Variants in GYPC observed in about 807,000 individuals in gnomAD.
GYPC encodes glycophorin C (Gerbich blood group), also known as glycophorin-C.
In GYPC, 14 loss-of-function variants were observed where a neutral mutation model predicts 12.6. The observed-to-expected ratio is 1.11, with a 90% CI of 0.74 to 1.74. The LOEUF (loss-of-function observed/expected upper bound fraction) is 1.74, where lower values mean the gene tolerates loss of function less well. GYPC is among the 40% of genes most tolerant of loss of function. The pLI, the probability that GYPC is intolerant of heterozygous loss-of-function variation, is 0.00. For synonymous variants in GYPC, 78 were observed against 62.1 expected (o/e 1.26, Z -1.20); for missense variants, 225 against 172.1 (o/e 1.31, Z -1.72).
At chr2:126,670,765 A>G (rs1168967229) in intron 1 of GYPC, among the ~76,000 whole-genome samples, 1 of 152,138 alleles carries the variant, frequency 6.6e-6, no homozygotes, top group Non-Finnish European at 1.5e-5. Flanking sequence ...GGAGACTTCA[A>G]CAGGAGGGCT....
intron 1 of GYPC, among the ~76,000 whole-genome samples, chr2:126,666,759 AT>A (rs1682693541): frequency 1.4e-5 from 2 of 138,240 alleles, no homozygotes; most frequent in African/African-American, 2.8e-5. Flanking sequence ...ACACACACAT[AT>A]GCACGCACAC....
chr2:126,669,275 C>A (rs886435586), intron 1 of GYPC, among the ~76,000 whole-genome samples: 1 of 152,166 alleles, frequency 6.6e-6, no homozygotes, highest in Non-Finnish European at 1.5e-5. Context: ...TGTTGCCTGG[C>A]GACATTTGTC....
intron 1 of GYPC, chr2:126,686,795 C>A: frequency 1.3e-6 from 1 of 769,536 alleles, no homozygotes; most frequent in Non-Finnish European, 1.6e-6. Flanking sequence ...TGATACCAGA[C>A]CCAAGCTTGG....
chr2:126,695,513 A>G (rs898799600), intron 3 of GYPC, among the ~76,000 whole-genome samples: 2 of 152,208 alleles, frequency 1.3e-5, no homozygotes, highest in Admixed American at 1.3e-4. Flanking sequence ...TACACGGTTC[A>G]ACTTATGAGT....
intron 1 of GYPC, among the ~76,000 whole-genome samples, chr2:126,684,531 C>T (rs1683233522): frequency 6.6e-6 from 1 of 152,174 alleles, no homozygotes; most frequent in Non-Finnish European, 1.5e-5. Flanking sequence ...GAAGGACAGA[C>T]TTGGGGCCAC....
chr2:126,696,457 G>A lies in GYPC; in HGVS notation c.*315G>A, dbSNP rs891030726. ...GCAGGACAACATCAGCTCACTGGCA[G>A]GAAAGTCCTTGTTGAGGGTGAGGGG... is the stretch of plus-strand genomic sequence containing the variant. On this transcript the variant is annotated 3_prime_UTR_variant, in exon 4 of 4. Coordinates refer to ENST00000259254, the MANE Select transcript of GYPC (RefSeq NM_002101.5). 2.5e-6 allele frequency: 1 copy of A among 396,742 alleles called. No homozygotes were observed. Among genetic ancestry groups the A allele is most frequent in the Admixed American group, 3.7e-5 (1 of 27,286 alleles). 24.6% of individuals were successfully genotyped at this position (396,742 alleles called of 1,614,324 possible).
At chr2:126,673,648 C>G (rs1373393528) in intron 1 of GYPC, among the ~76,000 whole-genome samples, 1 of 152,214 alleles carries the variant, frequency 6.6e-6, no homozygotes, top group Non-Finnish European at 1.5e-5. Context: ...CCTCTGTCCC[C>G]CACAGATTCC....
chr2:126,667,138 C>T (rs984312781), intron 1 of GYPC, among the ~76,000 whole-genome samples: 1 of 152,188 alleles, frequency 6.6e-6, no homozygotes, highest in Non-Finnish European at 1.5e-5. Context: ...CATCAGACCC[C>T]ACCTAGCAGA....
intron 1 of GYPC, among the ~76,000 whole-genome samples, chr2:126,677,480 C>T (rs1683030450): frequency 1.8e-5 from 2 of 110,536 alleles, no homozygotes; most frequent in South Asian, 6.2e-4. Context: ...TGTGTGAGCA[C>T]GTGTGAGTCT....
intron 1 of GYPC, among the ~76,000 whole-genome samples, chr2:126,667,392 ATCTTTTTTTTT>A (rs1265639979): frequency 1.3e-5 from 2 of 150,788 alleles, no homozygotes; most frequent in Admixed American, 1.3e-4. Context: ...TGATCTGGAT[ATCTTTTTTTTT>A]TCTTTTTTTT....
intron 1 of GYPC, among the ~76,000 whole-genome samples, chr2:126,667,791 T>TA (rs752090273): frequency 2.6e-4 from 40 of 152,178 alleles, no homozygotes; most frequent in Non-Finnish European, 3.7e-4. Flanking sequence ...TTCATCCACT[T>TA]ATAGTGAATA....
At position 126,693,913 on chromosome 2, in the gene GYPC, C is replaced by T; in HGVS notation, c.156C>T (p.Ser52=). ...GGCCGGATGGCAGAATGGAGACCTC[C>T]ACCCCCACCATAATGGACATTGTCG... ...SGWPDGRMET[S]TPTIMDIVVI... The change falls in exon 3 of 4, where the codon TCC becomes TCT. Residue 52 remains serine, a synonymous_variant. Coordinates refer to ENST00000259254, the MANE Select transcript of GYPC (RefSeq NM_002101.5). 1 of 1,612,112 alleles carries T rather than the reference C, an allele frequency of 6.2e-7. No individual in the cohort carries two copies. Among genetic ancestry groups the T allele is most frequent in the Non-Finnish European group, 8.5e-7 (1 of 1,178,194 alleles).
At chr2:126,674,846 C>T (rs529103807) in intron 1 of GYPC, among the ~76,000 whole-genome samples, 1 of 152,288 alleles carries the variant, frequency 6.6e-6, no homozygotes, top group Admixed American at 6.5e-5. Context: ...CAGAAGTTAA[C>T]TTTTTTCCTC....
At chr2:126,672,529 G>A (rs562579021) in intron 1 of GYPC, among the ~76,000 whole-genome samples, 7 of 152,178 alleles carry the variant, frequency 4.6e-5, no homozygotes, top group Non-Finnish European at 1.0e-4. Flanking sequence ...GAGTGTGAGT[G>A]TGGGTCCCCT....
chr2:126,681,194 C>T (rs1683141071), intron 1 of GYPC, among the ~76,000 whole-genome samples: 1 of 152,142 alleles, frequency 6.6e-6, no homozygotes, highest in Non-Finnish European at 1.5e-5. Flanking sequence ...TTCTTTTCAT[C>T]GCTTTGTTTT....
At chr2:126,686,536 A>T (rs1013122280) in intron 1 of GYPC, 2 of 985,438 alleles carry the variant, frequency 2.0e-6, no homozygotes, top group Admixed American at 6.1e-5. Context: ...GTGGTTCCCC[A>T]GAAGGCTTTC....
chr2:126,671,398 T>C (rs1682851646), intron 1 of GYPC, among the ~76,000 whole-genome samples: 1 of 152,172 alleles, frequency 6.6e-6, no homozygotes, highest in South Asian at 2.1e-4. Flanking sequence ...ACACCCAAGT[T>C]CAGAAAACAG....
At position 126,693,851 on chromosome 2, in the gene GYPC, C is replaced by T; in HGVS notation, c.107-13C>T. 6.3e-7 allele frequency: 1 copy of T among 1,575,176 alleles called. No homozygotes were observed. Among genetic ancestry groups the T allele is most frequent in the Non-Finnish European group, 8.7e-7 (1 of 1,144,388 alleles). On this transcript the variant is annotated splice_polypyrimidine_tract_variant and intron_variant, in intron 2 of 3. Coordinates refer to ENST00000259254, the MANE Select transcript of GYPC (RefSeq NM_002101.5). ...TTCCTCTCTGACCTCAGATTCTTGT[C>T]CTCTGTTCACAGAGCCTGATCCAGG...
intron 1 of GYPC, among the ~76,000 whole-genome samples, chr2:126,670,518 T>C (rs578261795): frequency 2.0e-4 from 30 of 152,274 alleles, no homozygotes; most frequent in African/African-American, 7.0e-4. Context: ...ACTTCTGTAA[T>C]CCCTAGAAGG....
Sources: allele counts gnomAD v4.1 joint callset (sites outside exome capture counted in the v4.1 genomes callset), GRCh38; gene constraint gnomAD v4.1.1; transcripts MANE v1.5; gene names NCBI Gene and HGNC (gene_info 2026-07-23, HGNC 2026-07-21).